FAM193A: variants seen among roughly 807,000 people sequenced by gnomAD.
FAM193A encodes the protein family with sequence similarity 193 member A.
A neutral mutation model predicts 126.5 loss-of-function variants in FAM193A; 22 were observed. The observed-to-expected ratio is 0.17, with a 90% CI of 0.12 to 0.25. The LOEUF is 0.25. Among genes scored for constraint, FAM193A ranks in the 10% least tolerant of loss-of-function variants. The pLI, the probability that FAM193A is intolerant of heterozygous loss-of-function variation, is 1.00. For synonymous variants in FAM193A, 761 were observed against 646.8 expected (o/e 1.18, Z -2.68); for missense variants, 1,675 against 1,672.8 (o/e 1.00, Z -0.02).
At chr4:2,645,953 T>C (rs901497173) in intron 6 of FAM193A, among the ~76,000 whole-genome samples, 5 of 152,326 alleles carry the variant, frequency 3.3e-5, no homozygotes, top group African/African-American at 9.6e-5. Flanking sequence ...TTAAGTGTTT[T>C]GTTTTCTCTG....
At chr4:2,697,923 GT>G (rs1717223315) in intron 18 of FAM193A, among the ~76,000 whole-genome samples, 1 of 152,212 alleles carries the variant, frequency 6.6e-6, no homozygotes, top group Non-Finnish European at 1.5e-5. Context: ...GCCTTCCTGA[GT>G]TTTCAGGGTA....
At position 2,623,553 on chromosome 4, in the gene FAM193A, A is replaced by G. The variant is rs546363076; in HGVS notation, c.502-1709A>G. ...GGGTCTTACCTGCAAGGCCTGCACC[A>G]GTGTCTGTGTGACCCAACTCCACAG... is the stretch of plus-strand genomic sequence containing the variant. On this transcript the variant is annotated intron_variant, in intron 2 of 20. Coordinates refer to ENST00000637812, the MANE Select transcript of FAM193A (RefSeq NM_001366318.2). 2.0e-5 allele frequency among the ~76,000 whole-genome samples: 3 copies of G among 152,326 alleles called. No homozygotes were observed. In the East Asian group the frequency reaches 5.8e-4, roughly 29 times the overall value.
intron 3 of FAM193A, 138 bp downstream of exon 3, chr4:2,625,533 A>G (rs1742864003): frequency 9.8e-6 from 5 of 512,486 alleles, no homozygotes; most frequent in Non-Finnish European, 1.4e-5. Context: ...ATTGAGAGAA[A>G]GAACCATATG....
At chr4:2,622,281 AAAC>A in intron 2 of FAM193A, among the ~76,000 whole-genome samples, 1 of 151,066 alleles carries the variant, frequency 6.6e-6, no homozygotes, top group Non-Finnish European at 1.5e-5. Flanking sequence ...AAAAAAAAAA[AAAC>A]CTAAATGTCT....
chr4:2,569,541 CG>C (rs2108855764), intron 1 of FAM193A, among the ~76,000 whole-genome samples: 1 of 152,192 alleles, frequency 6.6e-6, no homozygotes, highest in South Asian at 2.1e-4. Context: ...CTCCGTCACC[CG>C]GTCCGGAGTG....
chr4:2,670,048 T>A (rs1159922108), intron 12 of FAM193A, among the ~76,000 whole-genome samples: 1 of 152,190 alleles, frequency 6.6e-6, no homozygotes, highest in Non-Finnish European at 1.5e-5. Context: ...CTCTTCCCCC[T>A]TTCCTCTGGG....
At chr4:2,640,299 C>T (rs1744486074) in intron 6 of FAM193A, among the ~76,000 whole-genome samples, 1 of 152,162 alleles carries the variant, frequency 6.6e-6, no homozygotes, top group South Asian at 2.1e-4. Flanking sequence ...GGCTCTGTTG[C>T]TCTGTCTCCT....
chr4:2,646,897 C>G, intron 7 of FAM193A, 65 bp downstream of exon 7: 1 of 1,501,098 alleles, frequency 6.7e-7, no homozygotes, highest in Non-Finnish European at 9.0e-7. Context: ...GAAGGCAGCA[C>G]CAAGTCACTA....
chr4:2,672,096 G>A (rs927151696), intron 12 of FAM193A, 25 bp from the exon 13 acceptor site: 6 of 1,610,508 alleles, frequency 3.7e-6, no homozygotes, highest in Admixed American at 3.3e-5. Context: ...CACTAAATAG[G>A]TATGTTTTTT....
chr4:2,666,960 T>A (rs1713189177), intron 12 of FAM193A, among the ~76,000 whole-genome samples: 1 of 152,350 alleles, frequency 6.6e-6, no homozygotes, highest in East Asian at 1.9e-4. Context: ...ATTCTGAAAT[T>A]GATTATTTCT....
At chr4:2,563,606 A>AGT (rs2108844278) in intron 1 of FAM193A, among the ~76,000 whole-genome samples, 1 of 152,320 alleles carries the variant, frequency 6.6e-6, no homozygotes, top group South Asian at 2.1e-4. Context: ...TAATGCTAAT[A>AGT]GTGTGTGTGG....
At chr4:2,716,876 G>A (rs908997621) in intron 20 of FAM193A, among the ~76,000 whole-genome samples, 1 of 152,006 alleles carries the variant, frequency 6.6e-6, no homozygotes, top group Non-Finnish European at 1.5e-5. Flanking sequence ...GGGTTTCACC[G>A]TGGTTACCAG....
At chr4:2,672,422 A>G (rs1005262776) in intron 13 of FAM193A, 50 bp downstream of exon 13, 2 of 1,599,618 alleles carry the variant, frequency 1.3e-6, no homozygotes, top group Non-Finnish European at 1.7e-6. Context: ...CTGAGATCCT[A>G]CAGGAGTACA....
intron 1 of FAM193A, among the ~76,000 whole-genome samples, chr4:2,574,224 G>A (rs1475252011): frequency 7.1e-6 from 1 of 140,564 alleles, no homozygotes; most frequent in Non-Finnish European, 1.5e-5. Context: ...CTCTTGACAT[G>A]TGCTGTGGAA....
intron 16 of FAM193A, 41 bp from the exon 17 acceptor site, chr4:2,694,905 G>C: frequency 1.3e-6 from 2 of 1,530,724 alleles, no homozygotes; most frequent in Non-Finnish European, 1.8e-6. Flanking sequence ...ATTGCCTCCC[G>C]GGCCGGCCAC....
At chr4:2,603,455 T>TC (rs1319955373) in intron 2 of FAM193A, among the ~76,000 whole-genome samples, 92 of 131,670 alleles carry the variant, frequency 7.0e-4, no homozygotes, top group African/African-American at 2.5e-3. Context: ...CAGCTAATTT[T>TC]TTTTTTTTTT....
intron 12 of FAM193A, among the ~76,000 whole-genome samples, chr4:2,670,506 G>T (rs1367018035): frequency 6.6e-6 from 1 of 151,992 alleles, no homozygotes; most frequent in Non-Finnish European, 1.5e-5. Flanking sequence ...AGGCTGAAGT[G>T]CAGTGGCATG....
Position 2,700,335 on chromosome 4 carries a change from G to A in FAM193A, c.4163G>A (p.Arg1388Lys). 1 of 1,614,104 alleles carries A rather than the reference G, an allele frequency of 6.2e-7. No homozygotes were observed. The highest frequency in any genetic ancestry group is 8.5e-7 in the Non-Finnish European group (1 of 1,180,020). The change falls in exon 19 of 21, where the codon AGA becomes AAA. Residue 1388 changes from arginine (R) to lysine (K), a missense_variant. This residue lies in a region of FAM193A where 415 missense variants were observed against 396.7 expected (regional missense o/e 1.05). Transcript: ENST00000637812. Reference protein sequence around the residue: ...VDLMSITEQKREERKVNSNNN... With the variant: ...VDLMSITEQKKEERKVNSNNN... ...CTCATGTCCATCACAGAGCAGAAAA[G>A]AGAGGAGAGAAAAGTCAACAGTAAT...
In FAM193A at chr4:2,587,259, G is replaced by C. The variant is rs551557392; in HGVS notation, c.256-8825G>C. Among the ~76,000 whole-genome samples the C allele has an allele frequency of 3.3e-5, 5 of 152,296 alleles. No individual in the cohort carries two copies. The East Asian group carries it at 9.6e-4, about 29-fold the overall frequency. On this transcript the variant is annotated intron_variant, in intron 1 of 20. Coordinates refer to ENST00000637812, the MANE Select transcript of FAM193A (RefSeq NM_001366318.2). ...ACATGATGAGAGAAAAAGCAAGAGAGATGGGAAAGGAGGTGCCAGGCTGTT... is the reference window on the plus strand; with the variant it reads ...ACATGATGAGAGAAAAAGCAAGAGACATGGGAAAGGAGGTGCCAGGCTGTT...
Sources: allele counts gnomAD v4.1 joint callset (sites outside exome capture counted in the v4.1 genomes callset), GRCh38; gene constraint gnomAD v4.1.1; regional missense constraint gnomAD v4.1.1; transcripts MANE v1.5; gene names NCBI Gene and HGNC (gene_info 2026-07-23, HGNC 2026-07-21).